C5orf52: variants seen among roughly 807,000 people sequenced by gnomAD.
C5orf52 encodes the protein chromosome 5 open reading frame 52, also known as uncharacterized protein C5orf52.
A neutral mutation model predicts 16.8 loss-of-function variants in C5orf52; 15 were observed. That is an observed-to-expected ratio of 0.89 (90% CI 0.60 to 1.38). C5orf52 has a LOEUF of 1.38. C5orf52 is among the 40% of genes most tolerant of loss of function. C5orf52 has a pLI of 0.00. For missense variants in C5orf52, 206 were observed against 213.1 expected, an observed-to-expected ratio of 0.97 and a Z score of 0.21; for synonymous variants, 83 against 87.2, an observed-to-expected ratio of 0.95 and a Z score of 0.27.
At chr5:157,675,923 C>G (rs1373715489) in intron 2 of C5orf52, among the ~76,000 whole-genome samples, 6 of 152,004 alleles carry the variant, frequency 3.9e-5, no homozygotes, top group African/African-American at 1.4e-4. Context: ...TCCCATAGAC[C>G]CTGATTGATG....
At chr5:157,678,428 C>T (rs1165852321) in intron 2 of C5orf52, among the ~76,000 whole-genome samples, 1 of 152,176 alleles carries the variant, frequency 6.6e-6, no homozygotes, top group Non-Finnish European at 1.5e-5. Context: ...AAAACCTAGC[C>T]TCAGTTTATA....
intron 1 of C5orf52, among the ~76,000 whole-genome samples, chr5:157,674,708 G>A (rs1051446157): frequency 6.6e-6 from 1 of 152,098 alleles, no homozygotes; most frequent in East Asian, 1.9e-4. Context: ...GGAGTTTGCA[G>A]TAAGCCAAGA....
intron 2 of C5orf52, among the ~76,000 whole-genome samples, chr5:157,676,075 C>T (rs909069775): frequency 1.1e-4 from 17 of 152,096 alleles, no homozygotes; most frequent in African/African-American, 3.9e-4. Flanking sequence ...GCTGCTGCCA[C>T]CTTCTTTTCT....
chr5:157,678,003 A>G (rs1040615893), intron 2 of C5orf52, among the ~76,000 whole-genome samples: 1 of 152,112 alleles, frequency 6.6e-6, no homozygotes, highest in Non-Finnish European at 1.5e-5. Context: ...AAAAAGAAAA[A>G]AAGAAAATGG....
intron 1 of C5orf52, among the ~76,000 whole-genome samples, chr5:157,674,819 C>G (rs1054834890): frequency 2.0e-5 from 3 of 152,156 alleles, no homozygotes; most frequent in Non-Finnish European, 4.4e-5. Context: ...GTTCTGAGTT[C>G]CTGATAACCC....
upstream of C5orf52, chr5:157,671,351 C>T (rs553289106): frequency 1.2e-5 from 6 of 517,844 alleles, no homozygotes; most frequent in Non-Finnish European, 2.0e-5. Context: ...TCTTCCAGAC[C>T]CGTCCGTCTT....
chr5:157,679,918 G>A lies in C5orf52; in HGVS notation c.399G>A (p.Gln133=). 1 of 1,551,742 alleles carries A rather than the reference G, an allele frequency of 6.4e-7. No homozygotes were observed. ...TGAAAAAAAAGTTCATGACAGAGCA[G>A]CTCAGAAAGCTCGGGCGATGGAGAG... ...EHLKKKFMTE[Q]LRKLGRWREE... is the part of the protein sequence containing the mutation. The change falls in exon 3 of 3, where the codon CAG becomes CAA. Residue 133 remains glutamine, a synonymous_variant. Transcript: ENST00000409999.
intron 2 of C5orf52, 142 bp downstream of exon 2, chr5:157,675,342 G>A: frequency 5.1e-6 from 3 of 587,796 alleles, no homozygotes; most frequent in Admixed American, 5.6e-5. Context: ...TTACAGAGGA[G>A]GCAATTGATA....
rs1759977972 is a variant in C5orf52 at position 157,680,056 on chromosome 5, A to G, written c.*57A>G. ...TAGTTCTGGCAAAGGGATCTGCCCCAGGGTCACGATGACACCAGTGTGACC... is the reference window on the plus strand; with the variant it reads ...TAGTTCTGGCAAAGGGATCTGCCCCGGGGTCACGATGACACCAGTGTGACC... On this transcript the variant is annotated 3_prime_UTR_variant, in exon 3 of 3. Transcript: ENST00000409999. 2.0e-6 allele frequency: 3 copies of G among 1,506,236 alleles called. No individual in the cohort carries two copies. In the Admixed American group the frequency reaches 6.4e-5, roughly 32 times the overall value. The allele number at this position is 1,506,236 out of a possible 1,614,324, so 93.3% of individuals were successfully genotyped here.
At chr5:157,677,426 C>T (rs180939248) in intron 2 of C5orf52, among the ~76,000 whole-genome samples, 25 of 152,072 alleles carry the variant, frequency 1.6e-4, no homozygotes, top group Admixed American at 1.5e-3. Context: ...AAGGCCGAGG[C>T]GGGCGGATCA....
intron 2 of C5orf52, among the ~76,000 whole-genome samples, chr5:157,679,269 A>G: frequency 6.6e-6 from 1 of 152,228 alleles, no homozygotes; most frequent in East Asian, 1.9e-4. Flanking sequence ...TGCATAAGAC[A>G]TAGGATGTTG....
rs571009109 is a variant in C5orf52, at chr5:157,672,693, T to C, written c.212+867T>C. On this transcript the variant is annotated intron_variant, in intron 1 of 2. Transcript: ENST00000409999. ...GGAGACTGGGAAATTGGATTGTTCATATTAGTTTGTAAATCTAAAAACATA... is the reference window on the plus strand; with the variant it reads ...GGAGACTGGGAAATTGGATTGTTCACATTAGTTTGTAAATCTAAAAACATA... Among the ~76,000 whole-genome samples the C allele has an allele frequency of 2.6e-5, 4 of 152,228 alleles. No homozygotes were observed. The South Asian group carries it at 8.3e-4, about 32-fold the overall frequency.
At chr5:157,678,750 A>G (rs746877691) in intron 2 of C5orf52, among the ~76,000 whole-genome samples, 5 of 152,118 alleles carry the variant, frequency 3.3e-5, no homozygotes, top group Non-Finnish European at 7.4e-5. Context: ...TGTGAGCCAC[A>G]GCGCCCAGCC....
Sources: allele counts gnomAD v4.1 joint callset (sites outside exome capture counted in the v4.1 genomes callset), GRCh38; gene constraint gnomAD v4.1.1; transcripts MANE v1.5; gene names NCBI Gene and HGNC (gene_info 2026-07-23, HGNC 2026-07-21).